APBA1: variants seen among roughly 807,000 people sequenced by gnomAD.
APBA1 encodes amyloid-beta A4 precursor protein-binding family A member 1.
A neutral mutation model predicts 86.6 loss-of-function variants in APBA1; 55 were observed. The ratio of observed to expected loss-of-function variants is 0.64; its 90% CI spans 0.51 to 0.80. The LOEUF (loss-of-function observed/expected upper bound fraction) is 0.80. Ranked by LOEUF, APBA1 falls within the 30% of genes least tolerant of loss-of-function variation. The pLI, the probability that APBA1 is intolerant of heterozygous loss-of-function variation, is 0.00. For missense variants in APBA1, 1,090 were observed against 1,183.0 expected (o/e 0.92, Z 1.15); for synonymous variants, 511 against 493.9 (o/e 1.03, Z -0.46).
At chr9:69,436,161 A>G (rs1202150912) in intron 11 of APBA1, among the ~76,000 whole-genome samples, 1 of 150,124 alleles carries the variant, frequency 6.7e-6, no homozygotes, top group East Asian at 1.9e-4. Flanking sequence ...TACCAGTACC[A>G]TGCTGTTTTG....
At chr9:69,456,990 A>G in intron 7 of APBA1, 63 bp downstream of exon 7, 5 of 1,356,376 alleles carry the variant, frequency 3.7e-6, no homozygotes, top group Admixed American at 1.7e-5. Context: ...CTACAGACAC[A>G]TGCATCTCTG....
At chr9:69,561,013 A>G (rs1048119449) in intron 1 of APBA1, among the ~76,000 whole-genome samples, 2 of 152,122 alleles carry the variant, frequency 1.3e-5, no homozygotes, top group African/African-American at 2.4e-5. Flanking sequence ...AAACTGAATA[A>G]TAACTAAATA....
chr9:69,643,489 A>T (rs10120847), intron 1 of APBA1, among the ~76,000 whole-genome samples: 1 of 152,182 alleles, frequency 6.6e-6, no homozygotes, highest in African/African-American at 2.4e-5. Flanking sequence ...CAAGACTGGC[A>T]CATCTCTCCT....
Position 69,431,223 on chromosome 9 carries a change from C to T in APBA1, c.*104G>A, listed in dbSNP as rs867722998. The T allele has an allele frequency of 2.5e-6, 2 of 811,008 alleles. No homozygotes were observed. The highest frequency in any genetic ancestry group is 2.2e-5 in the South Asian group (1 of 45,622). 50.2% of individuals were successfully genotyped at this position (811,008 alleles called of 1,614,324 possible). A position where few individuals can be genotyped will look rare whatever the true frequency, so the allele number is the denominator to read the frequency against. ...TTCTCTTCCTGTGTAAAACCAAATG[C>T]TGGGCGCGAGAGGGGAAAGTCTCAG... is the stretch of plus-strand genomic sequence containing the variant. On this transcript the variant is annotated 3_prime_UTR_variant, in exon 13 of 13. Coordinates refer to ENST00000265381, the MANE Select transcript of APBA1 (RefSeq NM_001163.4).
Position 69,431,131 on chromosome 9 carries a change from C to A in APBA1, c.*196G>T. The A allele has an allele frequency of 2.1e-6, 1 of 471,584 alleles. No individual in the cohort carries two copies. The allele number at this position is 471,584 out of a possible 1,614,324, so 29.2% of individuals were successfully genotyped here. A position where few individuals can be genotyped will look rare whatever the true frequency, so the allele number is the denominator to read the frequency against. On this transcript the variant is annotated 3_prime_UTR_variant, in exon 13 of 13. Coordinates refer to ENST00000265381, the MANE Select transcript of APBA1 (RefSeq NM_001163.4). ...CCTCAAGGGAGTGCATACGAAACTTCCCTGGTATTGAAAAAAAAAAAAAAA... is the reference window on the plus strand; with the variant it reads ...CCTCAAGGGAGTGCATACGAAACTTACCTGGTATTGAAAAAAAAAAAAAAA...
In APBA1 at chr9:69,516,601, C is replaced by T. The variant is rs779518539; in HGVS notation, c.610G>A (p.Ala204Thr). The T allele has an allele frequency of 1.9e-6, 3 of 1,604,920 alleles. No homozygotes were observed. The highest frequency in any genetic ancestry group is 2.5e-6 in the Non-Finnish European group (3 of 1,179,150). The part of the protein sequence containing the change: ...QEHVYEEIGD[A>T]PELDARDGLR... Reference sequence around the variant, plus strand: ...CCGTCGCGTGCGTCCAGCTCGGGCGCGTCCCCTATCTCCTCGTACACGTGC... The same window carrying T: ...CCGTCGCGTGCGTCCAGCTCGGGCGTGTCCCCTATCTCCTCGTACACGTGC... Residue 204 changes from alanine (A) to threonine (T), a missense_variant, in exon 2 of 13, where the codon GCG becomes ACG. Around this residue, in one of 6 missense-constraint regions of APBA1, gnomAD observed 678 missense variants for 647.1 expected, o/e 1.05. Transcript: ENST00000265381. This position sits in a 1 kb window ranked among gnomAD's most constrained non-coding sequence, Gnocchi z 7.3.
In APBA1 at chr9:69,672,233, C is replaced by G. The variant is rs1466300659; in HGVS notation, c.-150G>C. On this transcript the variant is annotated 5_prime_UTR_variant, in exon 1 of 13. Transcript: ENST00000265381. ...GCTGGTGCCAAGCCTGGGAATAAAG[C>G]TCCGCTCCAGCCGCTGCTGCCTCCA... 1 of 164,450 alleles carries G rather than the reference C, an allele frequency of 6.1e-6. No homozygotes were observed. The highest frequency in any genetic ancestry group is 1.3e-5 in the Non-Finnish European group (1 of 76,994). 10.2% of individuals were successfully genotyped at this position (164,450 alleles called of 1,614,324 possible).
intron 4 of APBA1, 73 bp from the exon 5 acceptor site, chr9:69,468,041 C>T (rs1835309158): frequency 6.4e-7 from 1 of 1,561,632 alleles, no homozygotes; most frequent in African/African-American, 1.3e-5. Flanking sequence ...TGGCACATCT[C>T]CCCTCTCCCA....
intron 2 of APBA1, among the ~76,000 whole-genome samples, chr9:69,497,074 C>T (rs1168852426): frequency 6.6e-6 from 1 of 152,100 alleles, no homozygotes; most frequent in African/African-American, 2.4e-5. Flanking sequence ...CTTATTGGTA[C>T]AAAAGAACTT....
chr9:69,500,287 A>C (rs1021395349), intron 2 of APBA1, among the ~76,000 whole-genome samples: 2 of 152,128 alleles, frequency 1.3e-5, no homozygotes, highest in Non-Finnish European at 2.9e-5. Flanking sequence ...CCAAATGTTA[A>C]GTGAGCTTTG....
At chr9:69,539,840 C>A (rs181679038) in intron 1 of APBA1, among the ~76,000 whole-genome samples, 1 of 152,002 alleles carries the variant, frequency 6.6e-6, no homozygotes, top group Non-Finnish European at 1.5e-5. Context: ...CCTTATTAGC[C>A]GGGGGCAGTG....
At chr9:69,446,750 T>A (rs1806199437) in intron 10 of APBA1, among the ~76,000 whole-genome samples, 1 of 152,144 alleles carries the variant, frequency 6.6e-6, no homozygotes, top group Non-Finnish European at 1.5e-5. Context: ...CTTTAGAGTC[T>A]CTGATGGCCC....
intron 2 of APBA1, among the ~76,000 whole-genome samples, chr9:69,505,017 C>A (rs144446964): frequency 6.6e-6 from 1 of 151,918 alleles, no homozygotes; most frequent in Non-Finnish European, 1.5e-5. Flanking sequence ...TGTTGGGGGG[C>A]GTCTACCGCA....
chr9:69,522,830 A>G (rs1836274878), intron 1 of APBA1, among the ~76,000 whole-genome samples: 2 of 152,200 alleles, frequency 1.3e-5, no homozygotes, highest in South Asian at 4.1e-4. Flanking sequence ...CTGGAGGAAG[A>G]CAGAGGCAAA....
In APBA1 at chr9:69,516,888, C is replaced by A; in HGVS notation, c.323G>T (p.Arg108Leu). The A allele has an allele frequency of 6.3e-7, 1 of 1,594,048 alleles. No homozygotes were observed. The highest frequency in any genetic ancestry group is 1.1e-5 in the South Asian group (1 of 90,114). ...GCTCTCGTCCTCGGGGTCCTGCGCG[C>A]GCTCCGCATCGTAGCCGTCGCGGGC... ...AAARDGYDAE[R>L]AQDPEDESAY... Residue 108 changes from arginine (R) to leucine (L), a missense_variant, in exon 2 of 13, where the codon CGC becomes CTC. Arg to Leu is a moderately radical substitution (Grantham distance 102). Transcript: ENST00000265381. The surrounding 1 kb of genome is among the most constrained non-coding windows in gnomAD (Gnocchi z 7.3).
intron 1 of APBA1, among the ~76,000 whole-genome samples, chr9:69,633,131 T>G (rs1361536846): frequency 1.3e-5 from 2 of 151,476 alleles, no homozygotes; most frequent in African/African-American, 4.8e-5. Context: ...TTTATTTTAT[T>G]TTATTTTTAT....
intron 1 of APBA1, among the ~76,000 whole-genome samples, chr9:69,594,022 G>A (rs1029162517): frequency 5.9e-5 from 9 of 152,066 alleles, no homozygotes; most frequent in East Asian, 1.9e-4. Context: ...GTTAGATTCC[G>A]TAGGTCTTCT....
chr9:69,595,886 T>C (rs972981194), intron 1 of APBA1, among the ~76,000 whole-genome samples: 1 of 152,134 alleles, frequency 6.6e-6, no homozygotes, highest in Admixed American at 6.5e-5. Flanking sequence ...TCACGATCAG[T>C]GATGCTTCAG....
At chr9:69,527,646 T>C (rs563171008) in intron 1 of APBA1, among the ~76,000 whole-genome samples, 3 of 152,220 alleles carry the variant, frequency 2.0e-5, no homozygotes, top group African/African-American at 7.2e-5. Flanking sequence ...CATAAAGTGA[T>C]ACAATTGATT....
Sources: allele counts gnomAD v4.1 joint callset (sites outside exome capture counted in the v4.1 genomes callset), GRCh38; gene constraint gnomAD v4.1.1; regional missense constraint gnomAD v4.1.1; non-coding constraint Gnocchi (gnomAD v3.1); transcripts MANE v1.5; gene names NCBI Gene and HGNC (gene_info 2026-07-23, HGNC 2026-07-21).